The following POU2F2 variants were observed in gnomAD, a reference collection of about 807,000 sequenced individuals.
The protein encoded by POU2F2 is POU domain, class 2, transcription factor 2.
In POU2F2, 14 loss-of-function variants were observed where a neutral mutation model predicts 63.5. The observed-to-expected ratio is 0.22, with a 90% CI of 0.15 to 0.34. POU2F2 has a LOEUF of 0.34. Ranked by LOEUF, POU2F2 falls within the 10% of genes least tolerant of loss-of-function variation. POU2F2 has a pLI of 1.00. For synonymous variants in POU2F2, 306 were observed against 348.6 expected (o/e 0.88, Z 1.36); for missense variants, 607 against 815.2 (o/e 0.74, Z 3.11).
intron 5 of POU2F2, among the ~76,000 whole-genome samples, chr19:42,105,328 G>C (rs1399973840): frequency 6.6e-6 from 1 of 152,100 alleles, no homozygotes; most frequent in African/African-American, 2.4e-5. Flanking sequence ...CAGACCAGAG[G>C]CATATCTTAT....
At chr19:42,134,168 G>A (rs527757091), upstream of POU2F2, among the ~76,000 whole-genome samples, 3 of 145,528 alleles carry the variant, frequency 2.1e-5, no homozygotes, top group Non-Finnish European at 3.0e-5. Flanking sequence ...TTTGTTTTCA[G>A]TTAGGATTTG....
intron 2 of POU2F2, among the ~76,000 whole-genome samples, chr19:42,145,161 T>C (rs1182424894): frequency 2.0e-5 from 3 of 152,256 alleles, no homozygotes; most frequent in Non-Finnish European, 4.4e-5. Context: ...TAATAAATCC[T>C]GAAATGACCT....
chr19:42,108,579 TAAAAC>T (rs2030527494), intron 5 of POU2F2, among the ~76,000 whole-genome samples: 1 of 149,962 alleles, frequency 6.7e-6, no homozygotes, highest in African/African-American at 2.5e-5. Context: ...TGTCTCAAAA[TAAAAC>T]AAAGAAAAAA....
chr19:42,113,111 C>T (rs556951375), intron 5 of POU2F2, among the ~76,000 whole-genome samples: 46 of 152,304 alleles, frequency 3.0e-4, no homozygotes, highest in Admixed American at 1.4e-3. Flanking sequence ...AACTTTCACT[C>T]GCTAGGTCGT....
At chr19:42,137,485 G>A (rs1321835407) in intron 2 of POU2F2, among the ~76,000 whole-genome samples, 1 of 152,156 alleles carries the variant, frequency 6.6e-6, no homozygotes, top group East Asian at 1.9e-4. Flanking sequence ...GCTTTGAGAG[G>A]CTGAGGTGGG....
rs1318496003 is a variant in POU2F2, at chr19:42,091,322, T to A, written c.1810A>T (p.Ser604Cys). ...CCAGGGGTCTGTGCTGCCGTCTCGC[T>A]GCAAGTGGAGGAGGAGGAGGATGAG... ...SSSSSSSSTC[S>C]ETAAQTPGGP... is the part of the protein sequence containing the mutation. The change falls in exon 15 of 15, where the codon AGC becomes TGC. Residue 604 changes from serine to cysteine, a missense_variant. Around this residue, in one of 7 missense-constraint regions of POU2F2, gnomAD observed 270 missense variants for 307.5 expected, o/e 0.88. Coordinates refer to ENST00000692977, the MANE Select transcript of POU2F2 (RefSeq NM_001394376.1). 2.6e-6 allele frequency: 4 copies of A among 1,534,910 alleles called. No individual in the cohort carries two copies. The highest frequency in any genetic ancestry group is 1.4e-5 in the African/African-American group (1 of 72,888).
intron 1 of POU2F2, among the ~76,000 whole-genome samples, chr19:42,129,155 C>T (rs2033473386): frequency 6.6e-6 from 1 of 152,084 alleles, no homozygotes; most frequent in African/African-American, 2.4e-5. Flanking sequence ...TTCTAATGTG[C>T]TCCATCCCCT....
intron 1 of POU2F2, among the ~76,000 whole-genome samples, chr19:42,164,804 A>G (rs1037174950): frequency 8.6e-5 from 13 of 151,872 alleles, no homozygotes; most frequent in Non-Finnish European, 1.6e-4. Context: ...TCTACAAAAA[A>G]TACAAAAATT....
intron 12 of POU2F2, 31 bp downstream of exon 12, chr19:42,093,798 T>TC (rs2076821562): frequency 8.2e-6 from 13 of 1,583,898 alleles, no homozygotes; most frequent in African/African-American, 2.7e-5. Flanking sequence ...ATCCTCCCAG[T>TC]CCCCCCTCAC....
chr19:42,107,867 C>T (rs1356066891), intron 5 of POU2F2, among the ~76,000 whole-genome samples: 6 of 152,170 alleles, frequency 3.9e-5, no homozygotes, highest in Non-Finnish European at 8.8e-5. Context: ...CCACCACCCC[C>T]GCTTACCTCT....
intron 2 of POU2F2, among the ~76,000 whole-genome samples, chr19:42,148,163 C>G (rs2034269868): frequency 6.6e-6 from 1 of 152,018 alleles, no homozygotes; most frequent in African/African-American, 2.4e-5. Context: ...ATCCTGCCAA[C>G]CTCATCTCCA....
Position 42,120,645 on chromosome 19 carries a change from G to C in POU2F2, c.186+1481C>G, listed in dbSNP as rs572793375. On this transcript the variant is annotated intron_variant, in intron 4 of 14. Transcript: ENST00000692977. ...TAATAATCATCATATTTATTTCCAT[G>C]GCAAGTGATTCTGGTTTTCCATTTG... Among the ~76,000 whole-genome samples the C allele has an allele frequency of 3.9e-5, 6 of 152,232 alleles. No homozygotes were observed. The South Asian group carries it at 1.2e-3, about 32-fold the overall frequency.
chr19:42,169,487 G>A lies in POU2F2; in HGVS notation c.-70+6476C>T, dbSNP rs2034715220. 6.6e-6 allele frequency among the ~76,000 whole-genome samples: 1 copy of A among 152,080 alleles called. No homozygotes were observed. The highest frequency in any genetic ancestry group is 2.4e-5 in the African/African-American group (1 of 41,396). ...GGTGTGTCCATTTTGGCATCTCTGTGGACAAATATACAAACGTCTATGTGC... is the reference window on the plus strand; with the variant it reads ...GGTGTGTCCATTTTGGCATCTCTGTAGACAAATATACAAACGTCTATGTGC... On this transcript the variant is annotated intron_variant, in intron 1 of 6. Coordinates refer to the POU2F2 transcript ENST00000524801. The surrounding 1 kb of genome is among the most constrained non-coding windows in gnomAD (Gnocchi z 4.3).
At chr19:42,158,410 A>C (rs902737678) in intron 2 of POU2F2, among the ~76,000 whole-genome samples, 4 of 152,154 alleles carry the variant, frequency 2.6e-5, no homozygotes, top group East Asian at 1.9e-4. Context: ...GGTGAGGTAA[A>C]AGAATGAGAG....
rs2146284970 is a variant in POU2F2 at position 42,092,125 on chromosome 19, G to A, written c.1410C>T (p.Pro470=). Residue 470 remains proline (P), a synonymous_variant, in exon 13 of 15, where the codon CCC becomes CCT. Transcript: ENST00000692977. This position sits in a 1 kb window ranked among gnomAD's most constrained non-coding sequence, Gnocchi z 5.0. The part of the protein sequence containing the change: ...PPPATTNSTN[P]SPQGSHSAIG... ...TAGCCGAGTGGCTGCCTTGAGGGCT[G>A]GGGTTTGTGCTGTTGGTGGTGGCCG... The A allele has an allele frequency of 6.3e-7, 1 of 1,590,266 alleles. No homozygotes were observed. The highest frequency in any genetic ancestry group is 8.6e-7 in the Non-Finnish European group (1 of 1,169,440).
rs1278705556 is a variant in POU2F2, at chr19:42,169,649, G to T, written c.-70+6314C>A. On this transcript the variant is annotated intron_variant, in intron 1 of 6. Transcript: ENST00000524801. This position sits in a 1 kb window ranked among gnomAD's most constrained non-coding sequence, Gnocchi z 4.3. ...TGTGTATGTCTCTTGCAGGATCATTGCATGTGTCTGCATGCTTATGTATTT... is the reference window on the plus strand; with the variant it reads ...TGTGTATGTCTCTTGCAGGATCATTTCATGTGTCTGCATGCTTATGTATTT... 6.6e-6 allele frequency among the ~76,000 whole-genome samples: 1 copy of T among 152,160 alleles called. No individual in the cohort carries two copies. Among genetic ancestry groups the T allele is most frequent in the East Asian group, 1.9e-4 (1 of 5,184 alleles).
chr19:42,171,431 CGTGTGTGTGTGTGTGTGTGTGTGT>C, intron 1 of POU2F2, among the ~76,000 whole-genome samples: 1 of 138,644 alleles, frequency 7.2e-6, no homozygotes, highest in South Asian at 2.4e-4. Flanking sequence ...GGCTGCGCTT[CGTGTGTGTGTGTGTGTGTGTGTGT>C]GTGTGTGTGT....
intron 5 of POU2F2, among the ~76,000 whole-genome samples, chr19:42,103,422 T>C (rs2077215736): frequency 6.6e-6 from 1 of 152,228 alleles, no homozygotes; most frequent in Non-Finnish European, 1.5e-5. Context: ...CCAAGACTGA[T>C]GCTTCATCAT....
At position 42,099,508 on chromosome 19, in the gene POU2F2, A is replaced by C; in HGVS notation, c.567+19T>G. ...CCTTGCTGCTGGCCTGGCCTGGTGC[A>C]CTCAATGGACAGTCTCACCTGTGTG... On this transcript the variant is annotated intron_variant, in intron 7 of 14. Transcript: ENST00000692977. 2 of 1,586,978 alleles carry C rather than the reference A, an allele frequency of 1.3e-6. No homozygotes were observed. The highest frequency in any genetic ancestry group is 1.1e-5 in the South Asian group (1 of 90,526).
Sources: gnomAD v4.1 joint callset for allele counts (sites outside exome capture counted in the v4.1 genomes callset) on GRCh38, gnomAD v4.1.1 for gene constraint, gnomAD v4.1.1 regional missense constraint, Gnocchi (gnomAD v3.1) non-coding constraint, MANE v1.5 for transcripts, NCBI Gene and HGNC (gene_info 2026-07-23, HGNC 2026-07-21) for gene names.